BORCS5: variants seen among roughly 807,000 people sequenced by gnomAD.
BORCS5 encodes the protein BLOC-1-related complex subunit 5.
A neutral mutation model predicts 22.1 loss-of-function variants in BORCS5; 17 were observed. The observed-to-expected ratio is 0.77, with a 90% CI of 0.53 to 1.15. The LOEUF is 1.15. Among genes scored for constraint, BORCS5 ranks in the 50% most tolerant of loss-of-function variants. The pLI, the probability that BORCS5 is intolerant of heterozygous loss-of-function variation, is 0.00. For missense variants in BORCS5, 247 were observed against 253.2 expected (o/e 0.98, Z 0.17); for synonymous variants, 117 against 99.8 (o/e 1.17, Z -1.03).
chr12:12,449,723 A>G (rs1410397998), intron 3 of BORCS5, among the ~76,000 whole-genome samples: 1 of 152,258 alleles, frequency 6.6e-6, no homozygotes, highest in Non-Finnish European at 1.5e-5. Context: ...AATGTCCAGT[A>G]TGTGGAAATC....
intron 2 of BORCS5, among the ~76,000 whole-genome samples, chr12:12,371,638 T>A (rs1863531593): frequency 1.3e-5 from 2 of 152,160 alleles, no homozygotes; most frequent in African/African-American, 4.8e-5. Context: ...ACTAATATGT[T>A]CTCTATGTTC....
At chr12:12,412,530 C>G (rs1034249660) in intron 2 of BORCS5, among the ~76,000 whole-genome samples, 3 of 152,136 alleles carry the variant, frequency 2.0e-5, no homozygotes, top group African/African-American at 7.2e-5. Context: ...GTGGAACATT[C>G]AGGTTTTCTA....
chr12:12,369,505 AC>A (rs75512712), intron 2 of BORCS5, among the ~76,000 whole-genome samples: 3,086 of 151,914 alleles, frequency 0.02, 121 homozygotes, highest in East Asian at 0.16. Flanking sequence ...TCCTTGCATT[AC>A]AAAAATTTTT....
chr12:12,451,003 C>T (rs58969422), intron 3 of BORCS5, among the ~76,000 whole-genome samples: 2 of 152,122 alleles, frequency 1.3e-5, no homozygotes, highest in East Asian at 1.9e-4. Flanking sequence ...CCAAATCATT[C>T]TAATATGATG....
chr12:12,422,896 C>T lies in BORCS5; in HGVS notation c.203-12732C>T, dbSNP rs368710237. On this transcript the variant is annotated intron_variant, in intron 2 of 3. Coordinates refer to ENST00000314565, the MANE Select transcript of BORCS5 (RefSeq NM_058169.6). ...TTTTTTTAATGTATCAGTCTCTTAA[C>T]GCAGAAAGCCAAAAGTGGAGCTACA... Among the ~76,000 whole-genome samples the T allele has an allele frequency of 2.7e-3, 398 of 150,120 alleles. 4 individuals carry two copies. The highest frequency in any genetic ancestry group is 7.0e-3 in the Middle Eastern group (2 of 286).
At chr12:12,427,652 A>G (rs995487470) in intron 2 of BORCS5, among the ~76,000 whole-genome samples, 4 of 152,206 alleles carry the variant, frequency 2.6e-5, no homozygotes, top group African/African-American at 4.8e-5. Context: ...CTATAACAGA[A>G]TACCATAAAC....
rs533362831 is a variant in BORCS5 at position 12,380,128 on chromosome 12, GT to G, written c.202+18780del. ...TTTAAGTTTCCTGTTTTCTATGGGT[GT>G]GGTTTGTGGTGCCCAAAACAATTAC... On this transcript the variant is annotated intron_variant, in intron 2 of 3. Coordinates refer to ENST00000314565, the MANE Select transcript of BORCS5 (RefSeq NM_058169.6). 1.2e-3 allele frequency among the ~76,000 whole-genome samples: 185 copies of G among 151,386 alleles called. 2 individuals are homozygous for G. Among genetic ancestry groups the G allele is most frequent in the African/African-American group, 4.4e-3 (181 of 41,234 alleles).
intron 2 of BORCS5, among the ~76,000 whole-genome samples, chr12:12,384,601 C>G (rs927971135): frequency 6.6e-6 from 1 of 150,748 alleles, no homozygotes; most frequent in Non-Finnish European, 1.5e-5. Context: ...ACTTTTTTGT[C>G]TGTTCATTGC....
At position 12,431,834 on chromosome 12, in the gene BORCS5, C is replaced by T. The variant is rs150760303; in HGVS notation, c.203-3794C>T. Among the ~76,000 whole-genome samples, 29 of 152,152 alleles carry T rather than the reference C, an allele frequency of 1.9e-4. No homozygotes were observed. In the East Asian group the frequency reaches 4.1e-3, roughly 21 times the overall value. ...TCAGCCTCTCAAGTAGCTGGGACTA[C>T]AGGTGCATGCCACCACACCCACCTA... On this transcript the variant is annotated intron_variant, in intron 2 of 3. Coordinates refer to ENST00000314565, the MANE Select transcript of BORCS5 (RefSeq NM_058169.6).
At chr12:12,453,624 G>C (rs115717325) in intron 3 of BORCS5, among the ~76,000 whole-genome samples, 3 of 152,100 alleles carry the variant, frequency 2.0e-5, no homozygotes, top group Non-Finnish European at 2.9e-5. Flanking sequence ...GGTATCTGTC[G>C]GGGGTCTGGG....
chr12:12,362,092 T>C (rs989052394), intron 2 of BORCS5, among the ~76,000 whole-genome samples: 1 of 152,222 alleles, frequency 6.6e-6, no homozygotes, highest in East Asian at 1.9e-4. Flanking sequence ...TAACTTGGTA[T>C]AATACAGTGT....
intron 2 of BORCS5, among the ~76,000 whole-genome samples, chr12:12,415,057 T>C (rs1313369424): frequency 0.025 from 3,638 of 144,874 alleles, 149 homozygotes; most frequent in African/African-American, 0.09. Context: ...CGCTCCTCAC[T>C]TTCCAGACTG....
At chr12:12,450,905 A>G (rs1942895890) in intron 3 of BORCS5, among the ~76,000 whole-genome samples, 1 of 152,254 alleles carries the variant, frequency 6.6e-6, no homozygotes, top group African/African-American at 2.4e-5. Context: ...TACTTAATGG[A>G]TAGCAGCTGT....
At position 12,357,465 on chromosome 12, in the gene BORCS5, A is replaced by G. The variant is rs1863167918; in HGVS notation, c.14A>G (p.Gln5Arg). Reference sequence around the variant, plus strand: ...GCTGTCGGCACCATGGGCAGTGAGCAGAGCTCCGAGGCCGAGAGCCGACCC... The same window carrying G: ...GCTGTCGGCACCATGGGCAGTGAGCGGAGCTCCGAGGCCGAGAGCCGACCC... Reference protein sequence around the residue: MGSEQSSEAESRPND... With the variant: MGSERSSEAESRPND... Residue 5 changes from glutamine to arginine, a missense_variant, in exon 1 of 4, where the codon CAG becomes CGG. Transcript: ENST00000314565. 9.9e-6 allele frequency: 16 copies of G among 1,611,352 alleles called. No homozygotes were observed. Among genetic ancestry groups the G allele is most frequent in the Non-Finnish European group, 1.3e-5 (15 of 1,177,886 alleles).
intron 3 of BORCS5, among the ~76,000 whole-genome samples, chr12:12,453,087 G>A (rs1172863256): frequency 6.6e-6 from 1 of 152,150 alleles, no homozygotes; most frequent in Non-Finnish European, 1.5e-5. Flanking sequence ...CTGGAAGAAA[G>A]GTCTTGAAGA....
chr12:12,443,648 T>C (rs1942726853), intron 3 of BORCS5, among the ~76,000 whole-genome samples: 1 of 152,264 alleles, frequency 6.6e-6, no homozygotes, highest in Non-Finnish European at 1.5e-5. Flanking sequence ...GTTGGAAATG[T>C]AGGCTTGTGT....
At position 12,357,404 on chromosome 12, in the gene BORCS5, G is replaced by A. The variant is rs2136007171; in HGVS notation, c.-48G>A. The stretch of plus-strand genomic sequence containing the variant: ...CTGCCCTGTCGCCCGCCGCCGGAGC[G>A]GTGACCGCCCGGCCCGCCGTTCTTC... On this transcript the variant is annotated 5_prime_UTR_variant, in exon 1 of 4. Transcript: ENST00000314565. 6.3e-7 allele frequency: 1 copy of A among 1,590,130 alleles called. No homozygotes were observed. Among genetic ancestry groups the A allele is most frequent in the Middle Eastern group, 1.9e-4 (1 of 5,378 alleles).
At chr12:12,462,249 C>A (rs1299924607) in intron 3 of BORCS5, among the ~76,000 whole-genome samples, 2 of 152,192 alleles carry the variant, frequency 1.3e-5, no homozygotes, top group Non-Finnish European at 2.9e-5. Context: ...ATCCTCAGGA[C>A]AGTCTTTTAA....
At chr12:12,445,496 CTTT>C (rs5796492) in intron 3 of BORCS5, among the ~76,000 whole-genome samples, 22 of 45,792 alleles carry the variant, frequency 4.8e-4, no homozygotes, top group African/African-American at 1.5e-3. Flanking sequence ...ACATGCATTG[CTTT>C]TTTTTTTTTT....
Sources: gnomAD v4.1 joint callset for allele counts (sites outside exome capture counted in the v4.1 genomes callset) on GRCh38, gnomAD v4.1.1 for gene constraint, MANE v1.5 for transcripts, NCBI Gene and HGNC (gene_info 2026-07-23, HGNC 2026-07-21) for gene names.